The following INPP4B variants were observed in gnomAD, a reference collection of about 807,000 sequenced individuals.
INPP4B encodes the protein inositol polyphosphate-4-phosphatase type II B.
A neutral mutation model predicts 122.5 loss-of-function variants in INPP4B; 55 were observed. The ratio of observed to expected loss-of-function variants is 0.45; its 90% CI spans 0.36 to 0.56. The LOEUF (loss-of-function observed/expected upper bound fraction) is 0.56. INPP4B is among the 20% of genes least tolerant of loss of function. INPP4B has a pLI of 0.00. For missense variants in INPP4B, 1,000 were observed against 1,097.7 expected (o/e 0.91, Z 1.26); for synonymous variants, 403 against 388.7 (o/e 1.04, Z -0.43).
At chr4:142,629,454 T>C (rs929801437) in intron 2 of INPP4B, among the ~76,000 whole-genome samples, 1 of 151,972 alleles carries the variant, frequency 6.6e-6, no homozygotes, top group South Asian at 2.1e-4. Context: ...GAAGGAGAGA[T>C]TGTTTATTTC....
At chr4:142,411,184 G>C (rs879504468) in intron 5 of INPP4B, among the ~76,000 whole-genome samples, 11 of 152,156 alleles carry the variant, frequency 7.2e-5, no homozygotes, top group Admixed American at 2.0e-4. Flanking sequence ...CTCTCTCCCA[G>C]CATATGTGCT....
intron 13 of INPP4B, 51 bp from the exon 14 acceptor site, chr4:142,208,580 ATG>A (rs766696814): frequency 9.2e-6 from 9 of 981,140 alleles, no homozygotes; most frequent in African/African-American, 8.4e-5. Context: ...ATAAATTAAT[ATG>A]TGTGTTAAAA....
At chr4:142,029,573 A>C (rs963046228) in intron 25 of INPP4B, 39 of 985,532 alleles carry the variant, frequency 4.0e-5, no homozygotes, top group African/African-American at 7.0e-5. Context: ...CAAACAAGAG[A>C]TACAAACAGG....
At chr4:142,679,938 T>C (rs535304350) in intron 2 of INPP4B, among the ~76,000 whole-genome samples, 2 of 151,874 alleles carry the variant, frequency 1.3e-5, no homozygotes, top group East Asian at 3.9e-4. Flanking sequence ...TATCTAGACA[T>C]TAGAGACTTA....
intron 9 of INPP4B, among the ~76,000 whole-genome samples, chr4:142,289,650 C>A (rs944774993): frequency 1.3e-5 from 2 of 152,114 alleles, no homozygotes; most frequent in African/African-American, 4.8e-5. Context: ...TCTTTTCCTG[C>A]ATTAGTTTGC....
At chr4:142,633,757 T>C (rs1748495590) in intron 2 of INPP4B, among the ~76,000 whole-genome samples, 1 of 151,624 alleles carries the variant, frequency 6.6e-6, no homozygotes. Flanking sequence ...AAAGGTAAAA[T>C]GACACAAAAT....
intron 9 of INPP4B, among the ~76,000 whole-genome samples, chr4:142,293,958 C>T (rs185132770): frequency 6.6e-6 from 1 of 152,294 alleles, no homozygotes; most frequent in Admixed American, 6.5e-5. Context: ...TAAAATACCA[C>T]ATGTTCTCAC....
chr4:142,817,276 G>C (rs1185711128), intron 1 of INPP4B, among the ~76,000 whole-genome samples: 1 of 152,074 alleles, frequency 6.6e-6, no homozygotes, highest in South Asian at 2.1e-4. Context: ...AGTTTTTAGT[G>C]AGGTTTCCAG....
intron 2 of INPP4B, among the ~76,000 whole-genome samples, chr4:142,530,158 G>A (rs1176952555): frequency 6.6e-6 from 1 of 152,154 alleles, no homozygotes; most frequent in African/African-American, 2.4e-5. Flanking sequence ...ATTAGTTTTT[G>A]TTGCTGCTGA....
intron 1 of INPP4B, among the ~76,000 whole-genome samples, chr4:142,785,073 A>T (rs1775548310): frequency 6.6e-6 from 1 of 152,162 alleles, no homozygotes; most frequent in Non-Finnish European, 1.5e-5. Context: ...CATTTAGAAG[A>T]TCAAGAAGAC....
intron 21 of INPP4B, among the ~76,000 whole-genome samples, chr4:142,115,476 T>C (rs1303046321): frequency 6.6e-6 from 1 of 152,194 alleles, no homozygotes; most frequent in African/African-American, 2.4e-5. Flanking sequence ...GCAGAAACTC[T>C]ACAAGCCAGA....
chr4:142,684,806 C>T (rs931060604), intron 2 of INPP4B, among the ~76,000 whole-genome samples: 15 of 151,708 alleles, frequency 9.9e-5, no homozygotes, highest in Admixed American at 3.9e-4. Context: ...TATTCTTATA[C>T]GAGAAAAAAA....
intron 9 of INPP4B, among the ~76,000 whole-genome samples, chr4:142,304,371 T>G (rs3822153): frequency 0.2 from 30,728 of 151,876 alleles, 3,902 homozygotes; most frequent in African/African-American, 0.36. Flanking sequence ...ACCGACACCA[T>G]ATGTTTAGGA....
chr4:142,058,490 T>C (rs2152426150), intron 25 of INPP4B, among the ~76,000 whole-genome samples: 1 of 152,200 alleles, frequency 6.6e-6, no homozygotes, highest in South Asian at 2.1e-4. Context: ...TTTCAGGTCC[T>C]CTGTTGTCTA....
At chr4:142,108,744 T>A (rs1222869317) in intron 22 of INPP4B, among the ~76,000 whole-genome samples, 1 of 152,158 alleles carries the variant, frequency 6.6e-6, no homozygotes, top group Non-Finnish European at 1.5e-5. Context: ...GTCAAATGGT[T>A]CTGTACACGT....
chr4:142,478,487 T>G (rs1158224100), intron 2 of INPP4B, among the ~76,000 whole-genome samples: 1 of 152,204 alleles, frequency 6.6e-6, no homozygotes, highest in Non-Finnish European at 1.5e-5. Context: ...TTGAGAGTTA[T>G]TAATGTAAAT....
intron 2 of INPP4B, among the ~76,000 whole-genome samples, chr4:142,483,448 C>T (rs1033749584): frequency 4.0e-5 from 6 of 151,878 alleles, no homozygotes; most frequent in East Asian, 1.9e-4. Context: ...TACTAATGGA[C>T]GAAAGGGGCA....
chr4:142,425,705 A>G (rs1202451495), intron 5 of INPP4B, among the ~76,000 whole-genome samples: 1 of 151,994 alleles, frequency 6.6e-6, no homozygotes, highest in African/African-American at 2.4e-5. Context: ...CGCCCAAGTC[A>G]AGTGCCTCTC....
chr4:142,134,978 G>A (rs1235524901), intron 18 of INPP4B, among the ~76,000 whole-genome samples: 1 of 151,824 alleles, frequency 6.6e-6, no homozygotes, highest in Non-Finnish European at 1.5e-5. Flanking sequence ...CTTGTATGTT[G>A]TATGTTTGTA....
Sources: gnomAD v4.1 joint callset for allele counts (sites outside exome capture counted in the v4.1 genomes callset) on GRCh38, gnomAD v4.1.1 for gene constraint, MANE v1.5 for transcripts, NCBI Gene and HGNC (gene_info 2026-07-23, HGNC 2026-07-21) for gene names.